Variants in ST18 observed in about 807,000 individuals in gnomAD.
ST18 encodes the protein suppression of tumorigenicity 18 protein.
Under a neutral mutation model 110.0 loss-of-function variants are expected in ST18, and 50 were observed. The ratio of observed to expected loss-of-function variants is 0.45; its 90% CI spans 0.36 to 0.58. ST18 has a LOEUF of 0.58. Among genes scored for constraint, ST18 ranks in the 20% least tolerant of loss-of-function variants. The pLI is 0.00. For synonymous variants in ST18, 461 were observed against 452.4 expected, an observed-to-expected ratio of 1.02 and a Z score of -0.24; for missense variants, 1,306 against 1,280.1, an observed-to-expected ratio of 1.02 and a Z score of -0.31.
chr8:52,143,561 A>C (rs1265351091), intron 16 of ST18, among the ~76,000 whole-genome samples: 3 of 152,234 alleles, frequency 2.0e-5, no homozygotes, highest in Non-Finnish European at 2.9e-5. Flanking sequence ...TCCTAAGTGA[A>C]GAATGAAAAA....
intron 25 of ST18, among the ~76,000 whole-genome samples, chr8:52,113,785 T>C (rs2041324121): frequency 6.6e-6 from 1 of 152,012 alleles, no homozygotes; most frequent in Non-Finnish European, 1.5e-5. Flanking sequence ...GAATTTAAGA[T>C]TTGAGCGAGT....
chr8:52,336,726 T>G (rs975519307), intron 2 of ST18, among the ~76,000 whole-genome samples: 3 of 152,202 alleles, frequency 2.0e-5, no homozygotes, highest in African/African-American at 4.8e-5. Context: ...ACATGCATAT[T>G]TATTAAGACA....
intron 2 of ST18, among the ~76,000 whole-genome samples, chr8:52,248,146 G>T (rs533019902): frequency 1.6e-4 from 24 of 151,912 alleles, no homozygotes; most frequent in Non-Finnish European, 2.9e-4. Context: ...AATCTTTCAC[G>T]AATACTACTA....
chr8:52,375,811 C>T (rs1174373156), intron 2 of ST18, among the ~76,000 whole-genome samples: 2 of 151,986 alleles, frequency 1.3e-5, no homozygotes, highest in Non-Finnish European at 2.9e-5. Context: ...CACACCCGGA[C>T]TGAGCCGCAG....
At chr8:52,400,089 C>G (rs1842416129) in intron 2 of ST18, among the ~76,000 whole-genome samples, 1 of 151,978 alleles carries the variant, frequency 6.6e-6, no homozygotes, top group South Asian at 2.1e-4. Context: ...CTTAGGTATT[C>G]CAATGCTGGG....
At chr8:52,308,927 G>A (rs1221614246) in intron 2 of ST18, among the ~76,000 whole-genome samples, 1 of 152,206 alleles carries the variant, frequency 6.6e-6, no homozygotes, top group Non-Finnish European at 1.5e-5. Context: ...TGTTCGCCAT[G>A]GTACACAGAT....
At chr8:52,284,577 G>A (rs1205127132) in intron 2 of ST18, among the ~76,000 whole-genome samples, 1 of 152,164 alleles carries the variant, frequency 6.6e-6, no homozygotes, top group Non-Finnish European at 1.5e-5. Flanking sequence ...CCAGGGTGGA[G>A]CTGGGAGAGG....
At chr8:52,329,028 A>G (rs1053506406) in intron 2 of ST18, among the ~76,000 whole-genome samples, 4 of 152,092 alleles carry the variant, frequency 2.6e-5, no homozygotes, top group Non-Finnish European at 4.4e-5. Context: ...CTGAGGATTC[A>G]TTTATTTCAG....
chr8:52,392,021 A>G (rs796570312), intron 2 of ST18, among the ~76,000 whole-genome samples: 3 of 152,322 alleles, frequency 2.0e-5, no homozygotes, highest in African/African-American at 7.2e-5. Flanking sequence ...AGATCCATCA[A>G]TGACTAGCTG....
intron 19 of ST18, among the ~76,000 whole-genome samples, chr8:52,133,981 T>C (rs2050920731): frequency 6.6e-6 from 1 of 152,202 alleles, no homozygotes; most frequent in Non-Finnish European, 1.5e-5. Flanking sequence ...TCTGCCCGTC[T>C]CGGCCTCCCA....
chr8:52,332,503 C>T (rs1398057391), intron 2 of ST18, among the ~76,000 whole-genome samples: 2 of 139,050 alleles, frequency 1.4e-5, no homozygotes, highest in Non-Finnish European at 3.1e-5. Flanking sequence ...GATACTACTT[C>T]CACTTTCCCA....
chr8:52,121,753 GC>G (rs1412198108), intron 23 of ST18, among the ~76,000 whole-genome samples: 1 of 152,276 alleles, frequency 6.6e-6, no homozygotes, highest in East Asian at 1.9e-4. Context: ...TAAAAGGTGT[GC>G]CCTGATGTTT....
intron 2 of ST18, among the ~76,000 whole-genome samples, chr8:52,283,213 T>G (rs950399207): frequency 6.6e-6 from 1 of 152,090 alleles, no homozygotes; most frequent in Non-Finnish European, 1.5e-5. Flanking sequence ...GGAAATAAAC[T>G]AGGAGAGACC....
chr8:52,125,416 CGAGA>C (rs1425773281), intron 23 of ST18, among the ~76,000 whole-genome samples: 1 of 151,950 alleles, frequency 6.6e-6, no homozygotes, highest in Non-Finnish European at 1.5e-5. Context: ...TACACACACA[CGAGA>C]GAGAAAGAGA....
intron 2 of ST18, among the ~76,000 whole-genome samples, chr8:52,385,597 C>CA (rs60332637): frequency 0.018 from 2,140 of 116,708 alleles, 59 homozygotes; most frequent in African/African-American, 0.064. Flanking sequence ...GACTCCGACT[C>CA]AAAAAAAAAA....
chr8:52,308,921 C>T (rs543286390), intron 2 of ST18, among the ~76,000 whole-genome samples: 50 of 152,286 alleles, frequency 3.3e-4, no homozygotes, highest in African/African-American at 1.1e-3. Context: ...AGCTAGTGTT[C>T]GCCATGGTAC....
At chr8:52,264,005 G>A (rs116994231) in intron 2 of ST18, among the ~76,000 whole-genome samples, 5,027 of 151,970 alleles carry the variant, frequency 0.033, 140 homozygotes, top group Admixed American at 0.082. Context: ...CACCATGTTA[G>A]CTAGGCTGGT....
At chr8:52,116,440 A>T (rs1586107795) in intron 24 of ST18, 22 bp from the exon 25 acceptor site, 1 of 1,606,364 alleles carries the variant, frequency 6.2e-7, no homozygotes, top group East Asian at 2.2e-5. Flanking sequence ...ATAACTTGGG[A>T]ATGTGAGTAG....
chr8:52,175,351 C>T (rs986666598), intron 9 of ST18, among the ~76,000 whole-genome samples: 15 of 152,164 alleles, frequency 9.9e-5, no homozygotes, highest in African/African-American at 2.4e-4. Context: ...CCCCCAAGGA[C>T]GGGCAGGGTC....
Sources: allele counts gnomAD v4.1 joint callset (sites outside exome capture counted in the v4.1 genomes callset), GRCh38; gene constraint gnomAD v4.1.1; transcripts MANE v1.5; gene names NCBI Gene and HGNC (gene_info 2026-07-23, HGNC 2026-07-21).